The following SPAG16 variants were observed in gnomAD, a reference collection of about 807,000 sequenced individuals.
SPAG16 encodes the protein sperm-associated antigen 16 protein.
In SPAG16, 86 loss-of-function variants were observed where a neutral mutation model predicts 80.4. The observed-to-expected ratio is 1.07, with a 90% CI of 0.90 to 1.28. The LOEUF (loss-of-function observed/expected upper bound fraction) is 1.28. Ranked by LOEUF, SPAG16 falls within the 50% of genes most tolerant of loss-of-function variation. The pLI is 0.00. For synonymous variants in SPAG16, 294 were observed against 265.9 expected (o/e 1.11, Z -1.03); for missense variants, 870 against 765.3 (o/e 1.14, Z -1.61).
intron 10 of SPAG16, among the ~76,000 whole-genome samples, chr2:213,658,848 C>T (rs963426115): frequency 3.9e-5 from 6 of 152,178 alleles, no homozygotes; most frequent in Admixed American, 2.6e-4. Flanking sequence ...CCATCCTGGC[C>T]AACATGGTGA....
chr2:213,622,062 C>T (rs1460030352), intron 10 of SPAG16, among the ~76,000 whole-genome samples: 5 of 152,198 alleles, frequency 3.3e-5, no homozygotes, highest in Non-Finnish European at 7.3e-5. Context: ...TATAAACCAT[C>T]TCAAACATTG....
chr2:213,869,297 A>ATGTGTG (rs1553648828), intron 11 of SPAG16, among the ~76,000 whole-genome samples: 1 of 124,912 alleles, frequency 8.0e-6, no homozygotes. Flanking sequence ...ATATATGTAT[A>ATGTGTG]TATATATATA....
chr2:214,253,714 G>A (rs924328373), intron 15 of SPAG16, among the ~76,000 whole-genome samples: 2 of 152,120 alleles, frequency 1.3e-5, no homozygotes, highest in Non-Finnish European at 2.9e-5. Context: ...TACACTCATA[G>A]TATAGTTTGA....
At chr2:214,343,362 A>G (rs925871269) in intron 15 of SPAG16, among the ~76,000 whole-genome samples, 1 of 152,166 alleles carries the variant, frequency 6.6e-6, no homozygotes, top group Non-Finnish European at 1.5e-5. Flanking sequence ...CCTACTTTTA[A>G]TAATAGATCT....
chr2:213,601,997 C>T (rs1450467761), intron 10 of SPAG16, among the ~76,000 whole-genome samples: 1 of 152,180 alleles, frequency 6.6e-6, no homozygotes, highest in African/African-American at 2.4e-5. Context: ...CTAGATTCCT[C>T]GCATGTGCAG....
At chr2:213,810,951 G>A (rs1233244242) in intron 10 of SPAG16, among the ~76,000 whole-genome samples, 1 of 152,198 alleles carries the variant, frequency 6.6e-6, no homozygotes, top group Non-Finnish European at 1.5e-5. Flanking sequence ...GGACTACTGT[G>A]AGGATTGTGG....
intron 15 of SPAG16, among the ~76,000 whole-genome samples, chr2:214,404,543 A>T (rs1379513725): frequency 6.6e-6 from 1 of 152,222 alleles, no homozygotes; most frequent in Non-Finnish European, 1.5e-5. Flanking sequence ...TTAAAAGTAA[A>T]AATATGAAAA....
chr2:213,357,696 T>C (rs891817438), intron 7 of SPAG16, among the ~76,000 whole-genome samples: 3 of 152,246 alleles, frequency 2.0e-5, no homozygotes, highest in Non-Finnish European at 2.9e-5. Flanking sequence ...CTGATGGGTC[T>C]TGACTGTTAA....
chr2:214,040,214 C>T (rs546637218), intron 13 of SPAG16, among the ~76,000 whole-genome samples: 11 of 152,310 alleles, frequency 7.2e-5, no homozygotes, highest in African/African-American at 2.6e-4. Context: ...TCAGGCCCCT[C>T]TATCCTCCTA....
At chr2:213,351,090 G>A (rs947985381) in intron 7 of SPAG16, among the ~76,000 whole-genome samples, 2 of 152,098 alleles carry the variant, frequency 1.3e-5, no homozygotes, top group Non-Finnish European at 2.9e-5. Context: ...GCAGTGAGCC[G>A]AGATGGCCCC....
At chr2:213,430,378 G>T (rs558034518) in intron 9 of SPAG16, among the ~76,000 whole-genome samples, 1 of 152,190 alleles carries the variant, frequency 6.6e-6, no homozygotes, top group African/African-American at 2.4e-5. Context: ...TCTAACCTGT[G>T]GCCCATGGGC....
At chr2:213,660,985 T>C (rs981198668) in intron 10 of SPAG16, among the ~76,000 whole-genome samples, 1 of 152,178 alleles carries the variant, frequency 6.6e-6, no homozygotes, top group Non-Finnish European at 1.5e-5. Flanking sequence ...TCCCACTTTA[T>C]GCACTCTTAA....
At chr2:214,351,388 C>CTGTGTGTCTG (rs1698395009) in intron 15 of SPAG16, among the ~76,000 whole-genome samples, 1 of 151,158 alleles carries the variant, frequency 6.6e-6, no homozygotes, top group African/African-American at 2.4e-5. Context: ...GTCTGTGTGT[C>CTGTGTGTCTG]TGTGTGTGTG....
chr2:214,310,497 G>A lies in SPAG16; in HGVS notation c.1721-99643G>A, dbSNP rs529787507. On this transcript the variant is annotated intron_variant, in intron 15 of 15. Coordinates refer to ENST00000331683, the MANE Select transcript of SPAG16 (RefSeq NM_024532.5). ...TTTGTTTTGTTTTGGTTTTTGTTTT[G>A]TTTTTGGTGAAGTTTGGTCTCCAGT... is the stretch of plus-strand genomic sequence containing the variant. Among the ~76,000 whole-genome samples the A allele has an allele frequency of 1.7e-3, 229 of 136,784 alleles. 1 individual carries two copies. The highest frequency in any genetic ancestry group is 2.8e-3 in the Non-Finnish European group (192 of 67,946). The allele number at this position is 136,784 out of a possible 152,430, so 89.7% of individuals were successfully genotyped here. A position where few individuals can be genotyped will look rare whatever the true frequency, so the allele number is the denominator to read the frequency against.
At chr2:213,986,480 A>G (rs1348757443) in intron 12 of SPAG16, among the ~76,000 whole-genome samples, 2 of 152,028 alleles carry the variant, frequency 1.3e-5, no homozygotes, top group East Asian at 3.9e-4. Flanking sequence ...TTATGTTTAT[A>G]CATTAGCTTA....
At chr2:213,297,224 G>T (rs1000373346) in intron 2 of SPAG16, 38 bp from the exon 3 acceptor site, 13 of 1,529,152 alleles carry the variant, frequency 8.5e-6, no homozygotes, top group Non-Finnish European at 1.1e-5. Context: ...TTATATTTCT[G>T]CTCACTCTTC....
intron 13 of SPAG16, among the ~76,000 whole-genome samples, chr2:214,040,909 T>G (rs1232521855): frequency 6.6e-6 from 1 of 152,104 alleles, no homozygotes; most frequent in Non-Finnish European, 1.5e-5. Flanking sequence ...GCTATTTGAA[T>G]TGTCCTTTAA....
intron 10 of SPAG16, among the ~76,000 whole-genome samples, chr2:213,799,255 G>A (rs1408300984): frequency 1.3e-5 from 2 of 151,910 alleles, no homozygotes; most frequent in Non-Finnish European, 2.9e-5. Context: ...TTTCAGCAAT[G>A]TTTTATAGTT....
At chr2:213,780,427 G>A (rs943588566) in intron 10 of SPAG16, among the ~76,000 whole-genome samples, 2 of 151,910 alleles carry the variant, frequency 1.3e-5, no homozygotes, top group Admixed American at 6.6e-5. Context: ...TCTCCTCTTG[G>A]GGAATTGTAC....
Sources: gnomAD v4.1 joint callset for allele counts (sites outside exome capture counted in the v4.1 genomes callset) on GRCh38, gnomAD v4.1.1 for gene constraint, MANE v1.5 for transcripts, NCBI Gene and HGNC (gene_info 2026-07-23, HGNC 2026-07-21) for gene names.